Variants in NELL1 observed in about 807,000 individuals in gnomAD.
The protein encoded by NELL1 is protein kinase C-binding protein NELL1.
Under a neutral mutation model 107.4 loss-of-function variants are expected in NELL1, and 76 were observed. The observed-to-expected ratio is 0.71, with a 90% CI of 0.59 to 0.86. The LOEUF (loss-of-function observed/expected upper bound fraction) is 0.86. Ranked by LOEUF, NELL1 falls within the 40% of genes least tolerant of loss-of-function variation. NELL1 has a pLI of 0.00. For missense variants in NELL1, 1,024 were observed against 1,005.5 expected (o/e 1.02, Z -0.25); for synonymous variants, 353 against 341.2 (o/e 1.03, Z -0.38).
chr11:20,709,019 GC>G (rs1272450133), intron 2 of NELL1, among the ~76,000 whole-genome samples: 1 of 152,088 alleles, frequency 6.6e-6, no homozygotes, highest in East Asian at 1.9e-4. Flanking sequence ...ATCTAATGCT[GC>G]TGCTGATCTG....
intron 4 of NELL1, among the ~76,000 whole-genome samples, chr11:20,877,201 T>C (rs1849321724): frequency 6.6e-6 from 1 of 152,222 alleles, no homozygotes; most frequent in African/African-American, 2.4e-5. Flanking sequence ...GATGAGGCTC[T>C]GTATAACTAA....
intron 12 of NELL1, among the ~76,000 whole-genome samples, chr11:21,110,159 T>C (rs1214062375): frequency 1.3e-5 from 2 of 152,178 alleles, no homozygotes; most frequent in Admixed American, 1.3e-4. Flanking sequence ...TTTAATTTTC[T>C]GGTACATTCA....
At chr11:21,026,834 C>G (rs1852825065) in intron 12 of NELL1, among the ~76,000 whole-genome samples, 1 of 152,116 alleles carries the variant, frequency 6.6e-6, no homozygotes, top group South Asian at 2.1e-4. Context: ...GTATTTTGCT[C>G]AAGGTCACAC....
At chr11:21,008,978 A>C (rs764068561) in intron 12 of NELL1, among the ~76,000 whole-genome samples, 5 of 152,114 alleles carry the variant, frequency 3.3e-5, no homozygotes, top group Non-Finnish European at 7.4e-5. Flanking sequence ...ACGGGATCCA[A>C]TCAGGTTCAT....
intron 5 of NELL1, among the ~76,000 whole-genome samples, chr11:20,905,320 C>T (rs1849971685): frequency 6.6e-6 from 1 of 152,106 alleles, no homozygotes; most frequent in South Asian, 2.1e-4. Context: ...CAGATCTGTT[C>T]TCCAGTGTTA....
chr11:20,689,197 T>G (rs1590206151), intron 2 of NELL1, among the ~76,000 whole-genome samples: 1 of 152,094 alleles, frequency 6.6e-6, no homozygotes. Context: ...ATGCATAGTT[T>G]GCAAATATTT....
intron 12 of NELL1, among the ~76,000 whole-genome samples, chr11:20,985,865 A>G (rs1851842350): frequency 6.6e-6 from 1 of 152,296 alleles, no homozygotes; most frequent in East Asian, 1.9e-4. Context: ...CACATTATCC[A>G]TGCACAAAAA....
intron 9 of NELL1, among the ~76,000 whole-genome samples, chr11:20,929,742 C>G (rs1334848145): frequency 6.6e-6 from 1 of 152,052 alleles, no homozygotes; most frequent in African/African-American, 2.4e-5. Flanking sequence ...GAGGCCGAGG[C>G]CGTCGGATCA....
intron 3 of NELL1, among the ~76,000 whole-genome samples, chr11:20,807,881 G>A (rs117561310): frequency 6.6e-6 from 1 of 152,198 alleles, no homozygotes; most frequent in Non-Finnish European, 1.5e-5. Context: ...TTCCCTTAAG[G>A]CCCAAAGTCT....
chr11:20,956,632 C>T (rs370100735), intron 11 of NELL1, among the ~76,000 whole-genome samples: 13 of 145,142 alleles, frequency 9.0e-5, no homozygotes, highest in East Asian at 8.1e-4. Context: ...GGCAACAGAG[C>T]GAGACTCCAT....
intron 12 of NELL1, among the ~76,000 whole-genome samples, chr11:21,013,806 C>T (rs527440044): frequency 3.0e-4 from 46 of 152,170 alleles, no homozygotes; most frequent in Non-Finnish European, 5.7e-4. Context: ...TTTATCTGTT[C>T]GGTATCCCAT....
chr11:21,130,277 G>C (rs936168580), intron 13 of NELL1, among the ~76,000 whole-genome samples: 32 of 152,188 alleles, frequency 2.1e-4, no homozygotes, highest in African/African-American at 6.8e-4. Flanking sequence ...TACAGCCTCA[G>C]AGACTCCTTT....
At chr11:21,375,352 A>G (rs1233839068) in intron 15 of NELL1, among the ~76,000 whole-genome samples, 2 of 152,004 alleles carry the variant, frequency 1.3e-5, no homozygotes, top group Non-Finnish European at 2.9e-5. Flanking sequence ...ATGGCTTCCA[A>G]TTTCATCCAT....
intron 16 of NELL1, among the ~76,000 whole-genome samples, chr11:21,543,358 T>C (rs1228180953): frequency 6.6e-6 from 1 of 152,000 alleles, no homozygotes; most frequent in Admixed American, 6.6e-5. Context: ...ATGAAGTAAA[T>C]GCAAGCATGA....
At chr11:21,372,495 CTT>C (rs1384534606) in intron 15 of NELL1, among the ~76,000 whole-genome samples, 5 of 151,804 alleles carry the variant, frequency 3.3e-5, no homozygotes, top group Non-Finnish European at 7.4e-5. Flanking sequence ...TATTATTACT[CTT>C]ATATGTAATC....
intron 2 of NELL1, among the ~76,000 whole-genome samples, chr11:20,752,900 G>A (rs1856174179): frequency 6.6e-6 from 1 of 152,116 alleles, no homozygotes; most frequent in African/African-American, 2.4e-5. Context: ...AACTATGTCT[G>A]GGTGAAGTAG....
rs1239832029 is a variant in NELL1 at position 21,278,093 on chromosome 11, T to A, written c.1549+48639T>A. On this transcript the variant is annotated intron_variant, in intron 14 of 19. Coordinates refer to ENST00000357134, the MANE Select transcript of NELL1 (RefSeq NM_006157.5). The stretch of plus-strand genomic sequence containing the variant: ...AGCATTTGACAAAATCCAACACCTA[T>A]CATTGATAAAAACCCTCAGTAAACA... 4.6e-5 allele frequency among the ~76,000 whole-genome samples: 7 copies of A among 151,854 alleles called. 1 individual carries two copies. In the South Asian group the frequency reaches 8.3e-4, roughly 18 times the overall value.
At chr11:21,368,904 A>G (rs941690080) in intron 14 of NELL1, among the ~76,000 whole-genome samples, 1 of 152,100 alleles carries the variant, frequency 6.6e-6, no homozygotes, top group African/African-American at 2.4e-5. Flanking sequence ...GTAAATGTTA[A>G]CTTATTTAAT....
At chr11:21,169,998 C>T (rs541193171) in intron 13 of NELL1, 2 of 1,277,260 alleles carry the variant, frequency 1.6e-6, no homozygotes, top group South Asian at 2.4e-5. Context: ...GCTCCTCAGG[C>T]TTTTGAGCAC....
Sources: gnomAD v4.1 joint callset for allele counts (sites outside exome capture counted in the v4.1 genomes callset) on GRCh38, gnomAD v4.1.1 for gene constraint, MANE v1.5 for transcripts, NCBI Gene and HGNC (gene_info 2026-07-23, HGNC 2026-07-21) for gene names.